TCFL5: variants seen among roughly 807,000 people sequenced by gnomAD.
TCFL5 encodes transcription factor like 5.
A neutral mutation model predicts 44.3 loss-of-function variants in TCFL5; 9 were observed. The observed-to-expected ratio is 0.20, with a 90% confidence interval of 0.12 to 0.35. The LOEUF (loss-of-function observed/expected upper bound fraction) is 0.35. TCFL5 is among the 10% of genes least tolerant of loss of function. TCFL5 has a pLI of 1.00. For missense variants in TCFL5, 603 were observed against 613.4 expected (o/e 0.98, Z 0.18); for synonymous variants, 319 against 271.6 (o/e 1.17, Z -1.72).
intron 4 of TCFL5, 114 bp downstream of exon 4, chr20:62,857,281 C>T (rs1196707101): frequency 2.1e-6 from 3 of 1,419,808 alleles, no homozygotes; most frequent in African/African-American, 1.4e-5. Context: ...GATGCTCCTA[C>T]CTGCTTTATT....
intron 4 of TCFL5, among the ~76,000 whole-genome samples, chr20:62,856,413 A>G (rs561503600): frequency 4.8e-4 from 72 of 151,472 alleles, no homozygotes; most frequent in Non-Finnish European, 8.4e-4. Flanking sequence ...TCTTAAAAGA[A>G]CCAGGCAATA....
At position 62,841,727 on chromosome 20, in the gene TCFL5, TTAATTATTAC is replaced by T; in HGVS notation, c.*238_*247del. On this transcript the variant is annotated 3_prime_UTR_variant, in exon 6 of 6. Transcript: ENST00000335351. The stretch of plus-strand genomic sequence containing the variant: ...GAAAATGCTTACTAATTATTACTAA[TTAATTATTAC>T]TAATTATTAAGATGGCTTCATCCCC... 3.3e-6 allele frequency: 1 copy of T among 302,180 alleles called. No homozygotes were observed. The allele number at this position is 302,180 out of a possible 1,614,324, so 18.7% of individuals were successfully genotyped here. A position where few individuals can be genotyped will look rare whatever the true frequency, so the allele number is the denominator to read the frequency against.
At chr20:62,845,569 G>C in intron 5 of TCFL5, 1 of 1,498,318 alleles carries the variant, frequency 6.7e-7, no homozygotes, top group East Asian at 2.4e-5. Flanking sequence ...ACAATTAAAT[G>C]AAAGTCAGAG....
At chr20:62,853,973 A>G in intron 5 of TCFL5, 43 bp downstream of exon 5, 1 of 1,603,822 alleles carries the variant, frequency 6.2e-7, no homozygotes, top group Non-Finnish European at 8.5e-7. Flanking sequence ...ATTGTTAAGT[A>G]AAATTTGTAA....
chr20:62,848,813 G>A (rs536552904), intron 5 of TCFL5, among the ~76,000 whole-genome samples: 145 of 151,590 alleles, frequency 9.6e-4, no homozygotes, highest in African/African-American at 1.4e-3. Flanking sequence ...TGAGACAGGC[G>A]GATCACAAGG....
chr20:62,850,357 G>A lies in TCFL5; in HGVS notation c.1380+3659C>T, dbSNP rs183318281. 4.1e-4 allele frequency among the ~76,000 whole-genome samples: 62 copies of A among 150,398 alleles called. 1 individual carries two copies. The highest frequency in any genetic ancestry group is 8.5e-4 in the South Asian group (4 of 4,728). ...CATACTTATCTATCCCCTGCCTCCCGATGTCCCCACCTGACGCCCCCAGAA... is the reference window on the plus strand; with the variant it reads ...CATACTTATCTATCCCCTGCCTCCCAATGTCCCCACCTGACGCCCCCAGAA... On this transcript the variant is annotated intron_variant, in intron 5 of 5. Coordinates refer to ENST00000335351, the MANE Select transcript of TCFL5 (RefSeq NM_006602.4).
Position 62,859,462 on chromosome 20 carries a change from G to A in TCFL5, c.896C>T (p.Ala299Val), listed in dbSNP as rs2063951008. Reference protein sequence around the residue: ...AKHQDIGLPRAFSFCYQQEIE... With the variant: ...AKHQDIGLPRVFSFCYQQEIE... ...TTCTTGCTGATAACAGAAAGAAAAT[G>A]CTCTAGGCAATCCAATATCCTGGTG... Residue 299 changes from alanine (A) to valine (V), a missense_variant, in exon 3 of 6, where the codon GCA (alanine) becomes GTA (valine). Physicochemically the swap from Ala to Val is moderately conservative, Grantham distance 64. Transcript: ENST00000335351. 5.0e-6 allele frequency: 8 copies of A among 1,614,070 alleles called. No individual in the cohort carries two copies. The highest frequency in any genetic ancestry group is 2.2e-5 in the East Asian group (1 of 44,886).
rs1269074177 is a variant in TCFL5, at chr20:62,857,462, G to C, written c.1171C>G (p.Gln391Glu). The C allele has an allele frequency of 4.3e-6, 7 of 1,614,076 alleles. No individual in the cohort carries two copies. The highest frequency in any genetic ancestry group is 1.3e-5 in the African/African-American group (1 of 74,920). The change falls in exon 4 of 6, where the codon CAG becomes GAG. Residue 391 changes from glutamine to glutamate, a missense_variant. By Grantham distance (29) the Gln-to-Glu change is conservative (BLOSUM62 2). Transcript: ENST00000335351. ...GACCTTCCTCCCTGGGGCCCACTCTGGGCCTGCTCCCCCAGGTTTGCCTGT... is the reference window on the plus strand; with the variant it reads ...GACCTTCCTCCCTGGGGCCCACTCTCGGCCTGCTCCCCCAGGTTTGCCTGT... ...SSQANLGEQA[Q>E]SGPQGGRSQR...
At chr20:62,852,320 G>A (rs1409237184) in intron 5 of TCFL5, 1 of 985,368 alleles carries the variant, frequency 1.0e-6, no homozygotes, top group East Asian at 1.1e-4. Flanking sequence ...CCGGGACCTG[G>A]AACTCGGGTC....
Position 62,859,380 on chromosome 20 carries a change from A to G in TCFL5, c.978T>C (p.Val326=), listed in dbSNP as rs199556767. 8.1e-6 allele frequency: 13 copies of G among 1,607,934 alleles called. No individual in the cohort carries two copies. The highest frequency in any genetic ancestry group is 1.1e-5 in the Non-Finnish European group (13 of 1,175,570). The change falls in exon 3 of 6, where the codon GTT becomes GTC. Residue 326 remains valine, a synonymous_variant. Coordinates refer to ENST00000335351, the MANE Select transcript of TCFL5 (RefSeq NM_006602.4). ...ATCGCTTACCTCCCACTTTAATCCA[A>G]ACTTGCTCAGGCAAAACTTTGTTTC... The part of the protein sequence containing the change: ...GSRNKVLPEQ[V]WIKVGEAALC...
chr20:62,850,844 T>C (rs957538021), intron 5 of TCFL5, among the ~76,000 whole-genome samples: 2 of 152,256 alleles, frequency 1.3e-5, no homozygotes, highest in African/African-American at 4.8e-5. Flanking sequence ...TGGGCCTTGG[T>C]TGGGCGCCTC....
rs78470062 is a variant in TCFL5, at chr20:62,857,760, C to T, written c.995-122G>A. 8.7e-4 allele frequency: 1,052 copies of T among 1,212,504 alleles called. 12 individuals carry two copies. The African/African-American group carries it at 0.015, about 17-fold the overall frequency. 75.1% of individuals were successfully genotyped at this position (1,212,504 alleles called of 1,614,324 possible). A position where few individuals can be genotyped will look rare whatever the true frequency, so the allele number is the denominator to read the frequency against. ...TTATTGGGTAAGCAGCACAGAGAAC[C>T]GAAACACAAAGAGATGTACTAATGC... On this transcript the variant is annotated intron_variant, in intron 3 of 5. Transcript: ENST00000335351.
intron 5 of TCFL5, chr20:62,852,215 G>A (rs1041531513): frequency 9.3e-5 from 92 of 985,342 alleles, no homozygotes; most frequent in Non-Finnish European, 1.0e-4. Context: ...CTTGGACCAG[G>A]TACAAAGTCA....
Position 62,842,499 on chromosome 20 carries a change from C to T in TCFL5, c.1381-402G>A, listed in dbSNP as rs909779692. Among the ~76,000 whole-genome samples, 1 of 152,334 alleles carries T rather than the reference C, an allele frequency of 6.6e-6. No individual in the cohort carries two copies. Among genetic ancestry groups the T allele is most frequent in the African/African-American group, 2.4e-5 (1 of 41,578 alleles). Reference sequence around the variant, plus strand: ...GTTTCAGGCCGGGCGTGGCGGCTCACGCCTATAATCCCAGCACTTTGGGAG... The same window carrying T: ...GTTTCAGGCCGGGCGTGGCGGCTCATGCCTATAATCCCAGCACTTTGGGAG... On this transcript the variant is annotated intron_variant, in intron 5 of 5. Coordinates refer to ENST00000335351, the MANE Select transcript of TCFL5 (RefSeq NM_006602.4). This position sits in a 1 kb window ranked among gnomAD's most constrained non-coding sequence, Gnocchi z 4.3.
In TCFL5 at chr20:62,842,063, C is replaced by T. The variant is rs763542036; in HGVS notation, c.1415G>A (p.Arg472Gln). Residue 472 changes from arginine (R) to glutamine (Q), a missense_variant, in exon 6 of 6, where the codon CGA becomes CAA. By Grantham distance (43) the Arg-to-Gln change is conservative (BLOSUM62 1). This residue lies in a region of TCFL5 where 41 missense variants were observed against 61.4 expected (regional missense o/e 0.67). Coordinates refer to ENST00000335351, the MANE Select transcript of TCFL5 (RefSeq NM_006602.4). The surrounding 1 kb of genome is among the most constrained non-coding windows in gnomAD (Gnocchi z 4.3). ...GTCCGGTCTGGTCAGCTTTAGCCTT[C>T]GGCCAGTTTTACCGCAAAATACGCT... The part of the protein sequence containing the change: ...FESVFCGKTG[R>Q]RLKLTRPDSL... 60 of 1,614,088 alleles carry T rather than the reference C, an allele frequency of 3.7e-5. No homozygotes were observed. Among genetic ancestry groups the T allele is most frequent in the East Asian group, 2.2e-4 (10 of 44,898 alleles).
At position 62,844,574 on chromosome 20, in the gene TCFL5, TGTTTTTTG is replaced by T. The variant is rs371775425; in HGVS notation, c.1381-2485_1381-2478del. Among the ~76,000 whole-genome samples the T allele has an allele frequency of 4.2e-5, 6 of 142,268 alleles. 1 individual carries two copies. Among genetic ancestry groups the T allele is most frequent in the African/African-American group, 1.5e-4 (5 of 34,096 alleles). 93.3% of individuals were successfully genotyped at this position (142,268 alleles called of 152,430 possible). A position where few individuals can be genotyped will look rare whatever the true frequency, so the allele number is the denominator to read the frequency against. The stretch of plus-strand genomic sequence containing the variant: ...CATTTTTTTTCTGTTTTTTTTTGTT[TGTTTTTTG>T]TTTTTTTTTTTTTGAGACCGAGTCT... On this transcript the variant is annotated intron_variant, in intron 5 of 5. Transcript: ENST00000335351.
At chr20:62,855,732 C>G (rs570397463) in intron 4 of TCFL5, among the ~76,000 whole-genome samples, 1 of 152,038 alleles carries the variant, frequency 6.6e-6, no homozygotes, top group Non-Finnish European at 1.5e-5. Flanking sequence ...TGCCATTGCA[C>G]TCCAGCCTGG....
At position 62,854,032 on chromosome 20, in the gene TCFL5, C is replaced by G. The variant is rs1208600635; in HGVS notation, c.1364G>C (p.Gly455Ala). The G allele has an allele frequency of 6.2e-7, 1 of 1,613,878 alleles. No homozygotes were observed. The highest frequency in any genetic ancestry group is 1.3e-5 in the African/African-American group (1 of 74,900). Reference protein sequence around the residue: ...AFLKYIQERHGDSLKKEFESV... With the variant: ...AFLKYIQERHADSLKKEFESV... ...ACCACTAACCTTTTTAAGAGAATCTCCATGTCTTTCCTGGATGTATTTCAG... is the reference window on the plus strand; with the variant it reads ...ACCACTAACCTTTTTAAGAGAATCTGCATGTCTTTCCTGGATGTATTTCAG... The change falls in exon 5 of 6, where the codon GGA becomes GCA. Residue 455 changes from glycine to alanine, a missense_variant. Physicochemically the swap from Gly to Ala is moderately conservative, Grantham distance 60. Around this residue, in one of 4 missense-constraint regions of TCFL5, gnomAD observed 41 missense variants for 61.4 expected, o/e 0.67. Transcript: ENST00000335351.
chr20:62,857,722 C>T, intron 3 of TCFL5, 84 bp from the exon 4 acceptor site: 6 of 1,494,850 alleles, frequency 4.0e-6, no homozygotes, highest in Non-Finnish European at 4.5e-6. Flanking sequence ...CTTTTCAATC[C>T]AAGATATAAA....
Sources: gnomAD v4.1 joint callset for allele counts (sites outside exome capture counted in the v4.1 genomes callset) on GRCh38, gnomAD v4.1.1 for gene constraint, gnomAD v4.1.1 regional missense constraint, Gnocchi (gnomAD v3.1) non-coding constraint, MANE v1.5 for transcripts, NCBI Gene and HGNC (gene_info 2026-07-23, HGNC 2026-07-21) for gene names.